RAI1: variants seen among roughly 807,000 people sequenced by gnomAD.
RAI1 encodes retinoic acid-induced protein 1.
RAI1 carries 9 observed loss-of-function variants against 123.8 expected under a neutral mutation model. That is an observed-to-expected ratio of 0.07 (90% CI 0.04 to 0.13). The LOEUF is 0.13. Among genes scored for constraint, RAI1 ranks in the 10% least tolerant of loss-of-function variants. RAI1 has a pLI of 1.00. For missense variants in RAI1, 2,256 were observed against 2,545.8 expected (o/e 0.89, Z 2.45); for synonymous variants, 1,231 against 1,127.3 (o/e 1.09, Z -1.84).
chr17:17,758,238 C>A (rs1222733107), intron 2 of RAI1, among the ~76,000 whole-genome samples: 1 of 152,240 alleles, frequency 6.6e-6, no homozygotes, highest in Non-Finnish European at 1.5e-5. Context: ...ACAAGCCCTA[C>A]CAACCCGGCC....
chr17:17,793,358 G>T lies in RAI1; in HGVS notation c.410G>T (p.Gly137Val). 1 of 1,613,082 alleles carries T rather than the reference G, an allele frequency of 6.2e-7. No individual in the cohort carries two copies. The highest frequency in any genetic ancestry group is 8.5e-7 in the Non-Finnish European group (1 of 1,179,864). ...CCACAGCCGCAGCCACTACCTGCAGGGGTGGCCAAGTATGATGAGAACTTG... is the reference window on the plus strand; with the variant it reads ...CCACAGCCGCAGCCACTACCTGCAGTGGTGGCCAAGTATGATGAGAACTTG... ...PPPQPQPLPAGVAKYDENLMK... is the reference protein window; with the variant it reads ...PPPQPQPLPAVVAKYDENLMK... The change falls in exon 3 of 6, where the codon GGG becomes GTG. Residue 137 changes from glycine (G) to valine (V), a missense_variant. Gly to Val is a moderately radical substitution (Grantham distance 109). Around this residue, in one of 7 missense-constraint regions of RAI1, gnomAD observed 336 missense variants for 349.8 expected, o/e 0.96. Transcript: ENST00000353383.
chr17:17,796,397 C>T lies in RAI1; in HGVS notation c.3449C>T (p.Thr1150Ile), dbSNP rs1168614284. The T allele has an allele frequency of 3.1e-6, 5 of 1,613,740 alleles. No homozygotes were observed. Among genetic ancestry groups the T allele is most frequent in the Non-Finnish European group, 3.4e-6 (4 of 1,180,026 alleles). ...DQRSMILRSR[T>I]KTQEIFHSKR... ...CGCTCCATGATCCTTCGGTCACGCA[C>T]CAAAACCCAGGAGATCTTCCACTCC... The change falls in exon 3 of 6, where the codon ACC (threonine) becomes ATC (isoleucine). Residue 1150 changes from threonine to isoleucine, a missense_variant. By Grantham distance (89) the Thr-to-Ile change is moderately conservative. Transcript: ENST00000353383. This position sits in a 1 kb window ranked among gnomAD's most constrained non-coding sequence, Gnocchi z 5.8.
rs2032791766 is a variant in RAI1 at position 17,811,295 on chromosome 17, G to A, written c.*1314G>A. On this transcript the variant is annotated 3_prime_UTR_variant, in exon 6 of 6. Transcript: ENST00000353383. ...ATATGAAGACTGTAAATGTTAAGACGACTAGTGTTCTTATTAGTATATTGC... is the reference window on the plus strand; with the variant it reads ...ATATGAAGACTGTAAATGTTAAGACAACTAGTGTTCTTATTAGTATATTGC... 6.7e-6 allele frequency: 2 copies of A among 298,714 alleles called. No individual in the cohort carries two copies. Among genetic ancestry groups the A allele is most frequent in the South Asian group, 6.0e-5 (2 of 33,440 alleles). 18.5% of individuals were successfully genotyped at this position (298,714 alleles called of 1,614,324 possible). A position where few individuals can be genotyped will look rare whatever the true frequency, so the allele number is the denominator to read the frequency against.
At chr17:17,757,854 A>G (rs1178111614) in intron 2 of RAI1, among the ~76,000 whole-genome samples, 2 of 152,076 alleles carry the variant, frequency 1.3e-5, no homozygotes, top group Non-Finnish European at 2.9e-5. Flanking sequence ...TTCCCCTCCC[A>G]TGGAACAGGG....
chr17:17,725,673 C>T (rs931541127), intron 2 of RAI1, among the ~76,000 whole-genome samples: 2 of 151,988 alleles, frequency 1.3e-5, no homozygotes, highest in African/African-American at 2.4e-5. Flanking sequence ...GTGGAGAGCC[C>T]GTGGAAATCA....
Position 17,798,153 on chromosome 17 carries a change from G to C in RAI1, c.5205G>C (p.Pro1735=). Residue 1735 remains proline (P), a synonymous_variant, in exon 3 of 6, where the codon CCG becomes CCC. Coordinates refer to ENST00000353383, the MANE Select transcript of RAI1 (RefSeq NM_030665.4). ...GCACCTGTGAGGAGGCCTCGCTGCC[G>C]CTTGAGAGAACACTCAAAGGTCCCG... ...PEGTCEEASL[P]LERTLKGPEC... is the part of the protein sequence containing the mutation. 1 of 1,613,466 alleles carries C rather than the reference G, an allele frequency of 6.2e-7. No homozygotes were observed. Among genetic ancestry groups the C allele is most frequent in the Non-Finnish European group, 8.5e-7 (1 of 1,180,038 alleles).
At chr17:17,726,157 C>T (rs749981201) in intron 2 of RAI1, among the ~76,000 whole-genome samples, 1 of 152,046 alleles carries the variant, frequency 6.6e-6, no homozygotes, top group Non-Finnish European at 1.5e-5. Context: ...CCTTGTGGCC[C>T]GGAGGGAAGA....
chr17:17,746,483 C>G (rs1365167197), intron 2 of RAI1, among the ~76,000 whole-genome samples: 1 of 152,200 alleles, frequency 6.6e-6, no homozygotes, highest in Non-Finnish European at 1.5e-5. Flanking sequence ...CCACCGTTCT[C>G]TGTCCCTCCC....
intron 1 of RAI1, among the ~76,000 whole-genome samples, chr17:17,686,673 G>C (rs1304015234): frequency 1.3e-5 from 2 of 151,638 alleles, no homozygotes; most frequent in African/African-American, 4.9e-5. Context: ...GAGGTGGAGT[G>C]GGGGTGGAGG....
At chr17:17,718,120 T>G (rs1011304816) in intron 1 of RAI1, among the ~76,000 whole-genome samples, 3 of 151,964 alleles carry the variant, frequency 2.0e-5, no homozygotes, top group African/African-American at 7.3e-5. Flanking sequence ...TGAGATGTAC[T>G]CCCTCTCCCC....
At chr17:17,707,431 C>G (rs564165296) in intron 1 of RAI1, among the ~76,000 whole-genome samples, 1 of 152,046 alleles carries the variant, frequency 6.6e-6, no homozygotes, top group Admixed American at 6.6e-5. Flanking sequence ...AGCAAAGACT[C>G]GAGGGAGGTC....
At chr17:17,727,006 C>T (rs893627979) in intron 2 of RAI1, among the ~76,000 whole-genome samples, 1 of 152,168 alleles carries the variant, frequency 6.6e-6, no homozygotes, top group African/African-American at 2.4e-5. Context: ...TAATATTCCC[C>T]TTTTGTCCAA....
At chr17:17,783,972 CCTCT>C (rs955743448) in intron 2 of RAI1, among the ~76,000 whole-genome samples, 1 of 152,114 alleles carries the variant, frequency 6.6e-6, no homozygotes, top group Non-Finnish European at 1.5e-5. Flanking sequence ...GCAATTTCCT[CCTCT>C]CTCTCTCCCC....
chr17:17,740,663 C>CTTG (rs1916593649), intron 2 of RAI1, among the ~76,000 whole-genome samples: 1 of 152,202 alleles, frequency 6.6e-6, no homozygotes, highest in Non-Finnish European at 1.5e-5. Flanking sequence ...GCAAAGCTGA[C>CTTG]TTGGCTGCAC....
chr17:17,705,763 C>T (rs919701002), intron 1 of RAI1, among the ~76,000 whole-genome samples: 12 of 151,978 alleles, frequency 7.9e-5, no homozygotes, highest in East Asian at 1.9e-4. Flanking sequence ...CGGTGGCTCA[C>T]GCCTGTAATC....
rs543870015 is a variant in RAI1 at position 17,793,930 on chromosome 17, G to T, written c.982G>T (p.Val328Phe). ...GGGCTACTGCCAGCCGGACGCAGCC[G>T]TCCGGACCCCAGAGCAGTACTACCA... is the stretch of plus-strand genomic sequence containing the variant. ...GQGYCQPDAA[V>F]RTPEQYYQTF... Residue 328 changes from valine to phenylalanine, a missense_variant, in exon 3 of 6, where the codon GTC becomes TTC. Val to Phe is a conservative substitution (Grantham distance 50). Coordinates refer to ENST00000353383, the MANE Select transcript of RAI1 (RefSeq NM_030665.4). 1.9e-6 allele frequency: 3 copies of T among 1,613,786 alleles called. No homozygotes were observed. Among genetic ancestry groups the T allele is most frequent in the Non-Finnish European group, 1.7e-6 (2 of 1,180,042 alleles).
intron 2 of RAI1, among the ~76,000 whole-genome samples, chr17:17,727,874 G>C (rs547909514): frequency 6.6e-6 from 1 of 152,294 alleles, no homozygotes; most frequent in South Asian, 2.1e-4. Context: ...GAAGGAGAGA[G>C]AGAGGGAAGA....
At chr17:17,749,943 A>G (rs1180499654) in intron 2 of RAI1, among the ~76,000 whole-genome samples, 2 of 152,268 alleles carry the variant, frequency 1.3e-5, no homozygotes, top group Non-Finnish European at 2.9e-5. Context: ...AGCTGCAGCA[A>G]CAAACCAACC....
intron 2 of RAI1, among the ~76,000 whole-genome samples, chr17:17,764,331 G>T (rs2030827562): frequency 6.6e-6 from 1 of 152,170 alleles, no homozygotes; most frequent in African/African-American, 2.4e-5. Flanking sequence ...GGGTATAACT[G>T]AAGTTCAGAT....
Sources: allele counts gnomAD v4.1 joint callset (sites outside exome capture counted in the v4.1 genomes callset), GRCh38; gene constraint gnomAD v4.1.1; regional missense constraint gnomAD v4.1.1; non-coding constraint Gnocchi (gnomAD v3.1); transcripts MANE v1.5; gene names NCBI Gene and HGNC (gene_info 2026-07-23, HGNC 2026-07-21).